The following LARGE1 variants were observed in gnomAD, a reference collection of about 807,000 sequenced individuals.
The protein encoded by LARGE1 is LARGE xylosyl- and glucuronyltransferase 1.
Under a neutral mutation model 87.6 loss-of-function variants are expected in LARGE1, and 43 were observed. The observed-to-expected ratio is 0.49, with a 90% CI of 0.38 to 0.63. The LOEUF (loss-of-function observed/expected upper bound fraction) is 0.63, where lower values mean the gene tolerates loss of function less well. LARGE1 is among the 30% of genes least tolerant of loss of function. The pLI, the probability that LARGE1 is intolerant of heterozygous loss-of-function variation, is 0.00. For synonymous variants in LARGE1, 434 were observed against 394.6 expected, an observed-to-expected ratio of 1.10 and a Z score of -1.18; for missense variants, 802 against 1,000.2, an observed-to-expected ratio of 0.80 and a Z score of 2.67.
chr22:33,535,659 C>T (rs1221863483), intron 6 of LARGE1, among the ~76,000 whole-genome samples: 1 of 152,008 alleles, frequency 6.6e-6, no homozygotes, highest in African/African-American at 2.4e-5. Flanking sequence ...CTTATACAAA[C>T]TATTGACCAA....
chr22:33,214,622 C>G (rs1220339929), intron 11 of LARGE1, among the ~76,000 whole-genome samples: 1 of 152,068 alleles, frequency 6.6e-6, no homozygotes, highest in Non-Finnish European at 1.5e-5. Context: ...CGCCAGCACA[C>G]TCTTCTATCT....
chr22:33,863,090 T>C (rs1349603908), intron 1 of LARGE1, among the ~76,000 whole-genome samples: 2 of 152,088 alleles, frequency 1.3e-5, no homozygotes, highest in African/African-American at 4.8e-5. Context: ...GAACTCACCG[T>C]TCCCACTTCT....
At chr22:33,878,487 T>G (rs2064556813) in intron 1 of LARGE1, among the ~76,000 whole-genome samples, 1 of 152,176 alleles carries the variant, frequency 6.6e-6, no homozygotes, top group African/African-American at 2.4e-5. Flanking sequence ...ACTGTTTTCC[T>G]AAACGAAGGC....
At chr22:33,589,032 T>C (rs2078759988) in intron 5 of LARGE1, among the ~76,000 whole-genome samples, 1 of 152,214 alleles carries the variant, frequency 6.6e-6, no homozygotes, top group South Asian at 2.1e-4. Context: ...CTAGCCGCAA[T>C]AAATGCAAAT....
At chr22:33,340,635 G>A (rs550662956) in intron 9 of LARGE1, among the ~76,000 whole-genome samples, 3 of 152,014 alleles carry the variant, frequency 2.0e-5, no homozygotes, top group Admixed American at 6.5e-5. Context: ...GGAAAGGGAA[G>A]CCTGTACTGA....
chr22:33,728,006 T>A (rs1234423871), intron 2 of LARGE1, among the ~76,000 whole-genome samples: 2 of 152,060 alleles, frequency 1.3e-5, no homozygotes, highest in African/African-American at 4.8e-5. Context: ...CAAGCCCTGA[T>A]ATCAAAGGCC....
chr22:33,393,936 T>C lies in LARGE1; in HGVS notation c.893-9632A>G, dbSNP rs541412451. Among the ~76,000 whole-genome samples, 14 of 152,350 alleles carry C rather than the reference T, an allele frequency of 9.2e-5. No individual in the cohort carries two copies. The East Asian group carries it at 2.7e-3, about 29-fold the overall frequency. ...TGGTCAAGTAGCAGGGCTTTTCATC[T>C]GTGGATCAGAGGGCCATGTTTTCTT... On this transcript the variant is annotated intron_variant, in intron 7 of 14. Coordinates refer to ENST00000397394, the MANE Select transcript of LARGE1 (RefSeq NM_133642.5).
At chr22:33,185,427 T>C (rs1351063758) in intron 11 of LARGE1, among the ~76,000 whole-genome samples, 1 of 152,150 alleles carries the variant, frequency 6.6e-6, no homozygotes, top group African/African-American at 2.4e-5. Context: ...TGGTGAAACA[T>C]GAAGGATTTT....
At chr22:33,192,821 A>G (rs1923853891) in intron 11 of LARGE1, among the ~76,000 whole-genome samples, 1 of 152,168 alleles carries the variant, frequency 6.6e-6, no homozygotes, top group South Asian at 2.1e-4. Flanking sequence ...TAAGACCTTA[A>G]TTCATTCTGA....
At chr22:33,250,745 A>T in intron 11 of LARGE1, among the ~76,000 whole-genome samples, 1 of 152,178 alleles carries the variant, frequency 6.6e-6, no homozygotes, top group Admixed American at 6.5e-5. Context: ...CCTGTTATTC[A>T]TCTACTTATA....
At chr22:33,176,303 T>C (rs1334223733) in intron 11 of LARGE1, among the ~76,000 whole-genome samples, 2 of 151,974 alleles carry the variant, frequency 1.3e-5, no homozygotes, top group East Asian at 3.9e-4. Context: ...AATTGACAAA[T>C]GGGATCTAAT....
chr22:33,750,788 G>A (rs2084286896), intron 2 of LARGE1: 1 of 152,088 alleles, frequency 6.6e-6, no homozygotes, highest in Non-Finnish European at 1.5e-5. Flanking sequence ...ACAGATTAGG[G>A]TTTTTATGAG....
chr22:33,626,629 C>T (rs916832180), intron 3 of LARGE1, among the ~76,000 whole-genome samples: 2 of 152,066 alleles, frequency 1.3e-5, no homozygotes, highest in Admixed American at 6.5e-5. Context: ...TCAAGCTGAG[C>T]GACAATGACA....
chr22:33,752,430 A>G (rs1229731813), intron 2 of LARGE1, among the ~76,000 whole-genome samples: 1 of 152,186 alleles, frequency 6.6e-6, no homozygotes, highest in South Asian at 2.1e-4. Flanking sequence ...AAAACCAGGA[A>G]ACCTGCAACA....
chr22:33,067,226 C>T, the LARGE1 span, among the ~76,000 whole-genome samples: 1 of 151,982 alleles, frequency 6.6e-6, no homozygotes, highest in African/African-American at 2.4e-5. Context: ...TGAAAGAAGG[C>T]ATTTGAAAGA....
chr22:33,259,419 T>C (rs896370157), intron 11 of LARGE1, among the ~76,000 whole-genome samples: 6 of 151,864 alleles, frequency 4.0e-5, no homozygotes, highest in African/African-American at 1.5e-4. Flanking sequence ...CTTCACTTTT[T>C]TGCCACATCG....
intron 6 of LARGE1, among the ~76,000 whole-genome samples, chr22:33,536,393 A>G (rs1709527438): frequency 6.6e-6 from 1 of 152,236 alleles, no homozygotes. Flanking sequence ...GGGATCTCCA[A>G]ATACAACAGA....
chr22:33,674,163 C>A (rs572562250), intron 2 of LARGE1, among the ~76,000 whole-genome samples: 1 of 150,658 alleles, frequency 6.6e-6, no homozygotes, highest in East Asian at 2.0e-4. Flanking sequence ...ATACTGGTCT[C>A]GAGCTCCTGA....
intron 11 of LARGE1, among the ~76,000 whole-genome samples, chr22:33,169,141 T>A (rs1350744989): frequency 6.6e-6 from 1 of 152,232 alleles, no homozygotes; most frequent in Non-Finnish European, 1.5e-5. Flanking sequence ...CAAACAGTTA[T>A]CATTTGCTTT....
Sources: gnomAD v4.1 joint callset for allele counts (sites outside exome capture counted in the v4.1 genomes callset) on GRCh38, gnomAD v4.1.1 for gene constraint, MANE v1.5 for transcripts, NCBI Gene and HGNC (gene_info 2026-07-23, HGNC 2026-07-21) for gene names.